The following NRXN2 variants were observed in gnomAD, a reference collection of about 807,000 sequenced individuals.
NRXN2 encodes the protein neurexin-2-beta.
In NRXN2, 29 loss-of-function variants were observed where a neutral mutation model predicts 128.8. The ratio of observed to expected loss-of-function variants is 0.23; its 90% confidence interval spans 0.17 to 0.31. The LOEUF (loss-of-function observed/expected upper bound fraction) is 0.31, where lower values mean the gene tolerates loss of function less well. Among genes scored for constraint, NRXN2 ranks in the 10% least tolerant of loss-of-function variants. NRXN2 has a pLI of 1.00. For synonymous variants in NRXN2, 1,098 were observed against 1,075.2 expected (o/e 1.02, Z -0.41); for missense variants, 1,881 against 2,452.6 (o/e 0.77, Z 4.92).
chr11:64,704,671 G>GAGAGA (rs1441970190), intron 2 of NRXN2, among the ~76,000 whole-genome samples: 1 of 141,322 alleles, frequency 7.1e-6, no homozygotes, highest in Non-Finnish European at 1.5e-5. Flanking sequence ...GAGAGAGAGA[G>GAGAGA]ATGTCAGTTG....
At chr11:64,689,549 C>T (rs865954927) in intron 5 of NRXN2, among the ~76,000 whole-genome samples, 1 of 152,240 alleles carries the variant, frequency 6.6e-6, no homozygotes, top group Non-Finnish European at 1.5e-5. Context: ...GTGTGAAGCA[C>T]CGGGGGCATA....
chr11:64,653,427 G>A (rs1445502275), intron 12 of NRXN2, among the ~76,000 whole-genome samples: 1 of 152,218 alleles, frequency 6.6e-6, no homozygotes, highest in Non-Finnish European at 1.5e-5. Context: ...GGTAAAGGGT[G>A]TCCTTGTCTC....
Position 64,667,493 on chromosome 11 carries a change from G to A in NRXN2, c.1555C>T (p.Leu519=). 6.2e-7 allele frequency: 1 copy of A among 1,613,994 alleles called. No individual in the cohort carries two copies. The highest frequency in any genetic ancestry group is 8.5e-7 in the Non-Finnish European group (1 of 1,180,014). Reference sequence around the variant, plus strand: ...TTGGGCTCGGTGGTGCGGAAGTCTAGGGAGATGGAGCCAGTGCGCTTAGCG... The same window carrying A: ...TTGGGCTCGGTGGTGCGGAAGTCTAAGGAGATGGAGCCAGTGCGCTTAGCG... The part of the protein sequence containing the change: ...WSAKRTGSIS[L]DFRTTEPNGL... Residue 519 remains leucine, a synonymous_variant, in exon 9 of 23, where the codon CTA becomes TTA. Coordinates refer to ENST00000265459, the MANE Select transcript of NRXN2 (RefSeq NM_015080.4). The surrounding 1 kb of genome is among the most constrained non-coding windows in gnomAD (Gnocchi z 5.6).
chr11:64,671,610 G>C (rs750967553), intron 7 of NRXN2, among the ~76,000 whole-genome samples: 2 of 152,068 alleles, frequency 1.3e-5, no homozygotes, highest in Non-Finnish European at 2.9e-5. Context: ...TAGAGGAGCA[G>C]AGTGAGGGCT....
Position 64,667,620 on chromosome 11 carries a change from C to T in NRXN2, c.1428G>A (p.Met476Ile). The T allele has an allele frequency of 6.2e-7, 1 of 1,614,234 alleles. No homozygotes were observed. The highest frequency in any genetic ancestry group is 8.5e-7 in the Non-Finnish European group (1 of 1,180,030). ...SRLAKEGDPK[M>I]KLQGDLSFRC... ...GGAATGACAAGTCCCCCTGCAGCTTCATCTTGGGGTCCCCTTCCTTTGCCA... is the reference window on the plus strand; with the variant it reads ...GGAATGACAAGTCCCCCTGCAGCTTTATCTTGGGGTCCCCTTCCTTTGCCA... The change falls in exon 9 of 23, where the codon ATG becomes ATA. Residue 476 changes from methionine (M) to isoleucine (I), a missense_variant. By Grantham distance (10) the Met-to-Ile change is conservative (BLOSUM62 1). Coordinates refer to ENST00000265459, the MANE Select transcript of NRXN2 (RefSeq NM_015080.4). This position sits in a 1 kb window ranked among gnomAD's most constrained non-coding sequence, Gnocchi z 5.6.
At chr11:64,629,035 G>T (rs1368746981) in intron 19 of NRXN2, among the ~76,000 whole-genome samples, 1 of 152,172 alleles carries the variant, frequency 6.6e-6, no homozygotes, top group Non-Finnish European at 1.5e-5. Flanking sequence ...TTCCAGAAAT[G>T]TCTGGGTACA....
intron 7 of NRXN2, among the ~76,000 whole-genome samples, chr11:64,669,601 T>C (rs2050359345): frequency 6.6e-6 from 1 of 152,086 alleles, no homozygotes; most frequent in Non-Finnish European, 1.5e-5. Flanking sequence ...AGAAGTAATC[T>C]TAGATGGGGC....
chr11:64,650,433 A>G lies in NRXN2; in HGVS notation c.3109+15T>C. On this transcript the variant is annotated intron_variant, in intron 15 of 22. Transcript: ENST00000265459. ...TGGGCTAGGGCCAGGCCTTCTCCAG[A>G]GGCCCCAGCCCCACCTTTGAGATCG... The G allele has an allele frequency of 6.2e-7, 1 of 1,613,938 alleles. No individual in the cohort carries two copies. Among genetic ancestry groups the G allele is most frequent in the Non-Finnish European group, 8.5e-7 (1 of 1,179,876 alleles).
At chr11:64,629,929 C>T (rs1393214715) in intron 19 of NRXN2, among the ~76,000 whole-genome samples, 4 of 152,236 alleles carry the variant, frequency 2.6e-5, no homozygotes, top group African/African-American at 9.6e-5. Context: ...ATAAGGACCT[C>T]GGTTCTTTCC....
At chr11:64,719,595 AG>A (rs2057381403) in intron 1 of NRXN2, among the ~76,000 whole-genome samples, 1 of 152,004 alleles carries the variant, frequency 6.6e-6, no homozygotes, top group East Asian at 1.9e-4. Flanking sequence ...CGCCTCATGG[AG>A]CTGGGGAAGC....
rs543889211 is a variant in NRXN2 at position 64,668,766 on chromosome 11, G to C, written c.1198-162C>G. 6.2e-4 allele frequency among the ~76,000 whole-genome samples: 94 copies of C among 152,288 alleles called. 1 individual carries two copies. Among genetic ancestry groups the C allele is most frequent in the African/African-American group, 2.2e-3 (92 of 41,564 alleles). ...GAGGAGGAACAGTGGGGGAAGAGAG[G>C]AAATGAGGAAAAGGAGGCAGCACAA... On this transcript the variant is annotated intron_variant, in intron 7 of 22. Coordinates refer to ENST00000265459, the MANE Select transcript of NRXN2 (RefSeq NM_015080.4).
intron 5 of NRXN2, among the ~76,000 whole-genome samples, chr11:64,690,054 AATTTG>A (rs1255977996): frequency 1.3e-5 from 2 of 152,188 alleles, no homozygotes; most frequent in African/African-American, 4.8e-5. Context: ...AGGCTTCCAG[AATTTG>A]ATGGTTAAAT....
intron 22 of NRXN2, among the ~76,000 whole-genome samples, chr11:64,611,976 C>T (rs1267490282): frequency 2.0e-5 from 3 of 151,684 alleles, no homozygotes; most frequent in African/African-American, 4.8e-5. Context: ...GCTTCCTCTC[C>T]GTTTCCTCCC....
intron 7 of NRXN2, chr11:64,676,653 T>G: frequency 2.8e-6 from 1 of 360,044 alleles, no homozygotes; most frequent in African/African-American, 2.1e-5. Context: ...CAGCCTGGCA[T>G]CGGGGCTGGT....
At chr11:64,611,645 C>T (rs2040659022) in intron 22 of NRXN2, among the ~76,000 whole-genome samples, 1 of 152,202 alleles carries the variant, frequency 6.6e-6, no homozygotes. Flanking sequence ...CCCCTACAAC[C>T]ATTTTCCCTA....
chr11:64,638,333 G>A (rs1439707863), intron 17 of NRXN2, among the ~76,000 whole-genome samples: 1 of 152,232 alleles, frequency 6.6e-6, no homozygotes, highest in Admixed American at 6.5e-5. Flanking sequence ...AGGATGAATG[G>A]TTTATTGGAC....
intron 22 of NRXN2, among the ~76,000 whole-genome samples, chr11:64,612,251 C>T (rs530066325): frequency 2.6e-5 from 4 of 152,248 alleles, no homozygotes; most frequent in South Asian, 4.1e-4. Context: ...AAAGCCCAAC[C>T]GCTGCCCGTG....
In NRXN2 at chr11:64,632,228, CCTT is replaced by C. The variant is rs753640668; in HGVS notation, c.3586-1658_3586-1656del. Among the ~76,000 whole-genome samples, 3 of 152,184 alleles carry C rather than the reference CCTT, an allele frequency of 2.0e-5. No individual in the cohort carries two copies. The highest frequency in any genetic ancestry group is 1.9e-4 in the East Asian group (1 of 5,200). On this transcript the variant is annotated intron_variant, in intron 18 of 22. Coordinates refer to ENST00000265459, the MANE Select transcript of NRXN2 (RefSeq NM_015080.4). This position sits in a 1 kb window ranked among gnomAD's most constrained non-coding sequence, Gnocchi z 4.2. Reference sequence around the variant, plus strand: ...TCCCACTTGTGGGGTCCAGTTGTCTCCTTCTCAGAACCTGGGAAAACCACATAC... The same window carrying C: ...TCCCACTTGTGGGGTCCAGTTGTCTCCTCAGAACCTGGGAAAACCACATAC...
At chr11:64,688,033 A>G (rs549495549) in intron 5 of NRXN2, among the ~76,000 whole-genome samples, 23 of 152,364 alleles carry the variant, frequency 1.5e-4, no homozygotes, top group Non-Finnish European at 2.2e-4. Context: ...CCTTCACTGC[A>G]GTCAAAGAAA....
Sources: allele counts gnomAD v4.1 joint callset (sites outside exome capture counted in the v4.1 genomes callset), GRCh38; gene constraint gnomAD v4.1.1; non-coding constraint Gnocchi (gnomAD v3.1); transcripts MANE v1.5; gene names NCBI Gene and HGNC (gene_info 2026-07-23, HGNC 2026-07-21).